Variants in CTNNA2 observed in about 807,000 individuals in gnomAD.
CTNNA2 encodes catenin alpha-2.
CTNNA2 carries 42 observed loss-of-function variants against 101.0 expected under a neutral mutation model. The ratio of observed to expected loss-of-function variants is 0.42; its 90% confidence interval spans 0.32 to 0.54. The LOEUF (loss-of-function observed/expected upper bound fraction) is 0.54. Among genes scored for constraint, CTNNA2 ranks in the 20% least tolerant of loss-of-function variants. CTNNA2 has a pLI of 0.14. For missense variants in CTNNA2, 871 were observed against 1,223.1 expected (o/e 0.71, Z 4.29); for synonymous variants, 450 against 456.4 (o/e 0.99, Z 0.18).
intron 7 of CTNNA2, among the ~76,000 whole-genome samples, chr2:79,982,830 G>A (rs186138255): frequency 1.3e-5 from 2 of 152,158 alleles, no homozygotes; most frequent in East Asian, 3.9e-4. Context: ...TGATACATAT[G>A]TAAACTTTTT....
intron 18 of CTNNA2, among the ~76,000 whole-genome samples, chr2:80,645,336 C>A (rs925905548): frequency 1.3e-5 from 2 of 152,072 alleles, no homozygotes; most frequent in African/African-American, 4.8e-5. Context: ...CATCTCTGTC[C>A]TTCATTATTT....
chr2:79,643,395 G>C (rs1680589031), intron 1 of CTNNA2, among the ~76,000 whole-genome samples: 1 of 152,056 alleles, frequency 6.6e-6, no homozygotes, highest in East Asian at 1.9e-4. Flanking sequence ...TGTCGTTCCT[G>C]AACCAGCAGC....
intron 7 of CTNNA2, among the ~76,000 whole-genome samples, chr2:80,150,359 C>T (rs1703621888): frequency 6.6e-6 from 1 of 152,096 alleles, no homozygotes; most frequent in Admixed American, 6.5e-5. Flanking sequence ...GTCTCACTGG[C>T]CCCATCTCTC....
chr2:80,464,428 T>G (rs1175704415), intron 9 of CTNNA2, among the ~76,000 whole-genome samples: 2 of 152,088 alleles, frequency 1.3e-5, no homozygotes, highest in African/African-American at 4.8e-5. Context: ...TTACTTAGAG[T>G]TCCTCCTGCC....
intron 7 of CTNNA2, among the ~76,000 whole-genome samples, chr2:80,095,688 A>AAT (rs1700101490): frequency 6.6e-6 from 1 of 152,136 alleles, no homozygotes; most frequent in Non-Finnish European, 1.5e-5. Context: ...AGAGCCTGTT[A>AAT]CTGGTCTATT....
chr2:79,320,009 G>T (rs1270551823), intron 3 of CTNNA2: 2 of 152,104 alleles, frequency 1.3e-5, no homozygotes, highest in Non-Finnish European at 2.9e-5. Flanking sequence ...ATATCCTTCA[G>T]TAAGTATTTA....
chr2:80,278,689 T>TG, intron 7 of CTNNA2, among the ~76,000 whole-genome samples: 1 of 152,120 alleles, frequency 6.6e-6, no homozygotes, highest in East Asian at 1.9e-4. Context: ...AGAGAAAGAA[T>TG]GGCGTGGCTC....
At chr2:80,290,838 G>C (rs1051713246) in intron 7 of CTNNA2, among the ~76,000 whole-genome samples, 1 of 151,842 alleles carries the variant, frequency 6.6e-6, no homozygotes, top group African/African-American at 2.4e-5. Flanking sequence ...TGGAGGGAGG[G>C]AAAGAAAAAA....
rs1573266380 is a variant in CTNNA2 at position 80,163,189 on chromosome 2, C to T, written c.1057-230022C>T. On this transcript the variant is annotated intron_variant, in intron 7 of 18. Transcript: ENST00000402739. Reference sequence around the variant, plus strand: ...CGAAAAGGAGCTCCTCGGTCACTTTCATTTCAAGGTTGCCCACAAAGAACT... The same window carrying T: ...CGAAAAGGAGCTCCTCGGTCACTTTTATTTCAAGGTTGCCCACAAAGAACT... 8 of 1,310,244 alleles carry T rather than the reference C, an allele frequency of 6.1e-6. No homozygotes were observed. The East Asian group carries it at 1.8e-4, about 30-fold the overall frequency. The allele number at this position is 1,310,244 out of a possible 1,614,324, so 81.2% of individuals were successfully genotyped here.
At chr2:80,494,454 T>G (rs1348044755) in intron 9 of CTNNA2, among the ~76,000 whole-genome samples, 1 of 152,204 alleles carries the variant, frequency 6.6e-6, no homozygotes, top group Non-Finnish European at 1.5e-5. Context: ...TAATGACTTT[T>G]TATAATAACC....
intron 7 of CTNNA2, among the ~76,000 whole-genome samples, chr2:79,990,049 A>G (rs1426173197): frequency 6.6e-6 from 1 of 152,176 alleles, no homozygotes. Context: ...TAGCTGTGGG[A>G]AGAAACAAAG....
rs146745561 is a variant in CTNNA2, at chr2:80,459,518, G to A, written c.1290+39917G>A. Among the ~76,000 whole-genome samples the A allele has an allele frequency of 3.1e-3, 467 of 152,244 alleles. 2 individuals carry two copies. The highest frequency in any genetic ancestry group is 5.3e-3 in the Non-Finnish European group (361 of 68,016). On this transcript the variant is annotated intron_variant, in intron 9 of 18. Transcript: ENST00000402739. ...CTGCTTATCTTAAGGTGATTGCACA[G>A]ATAACATGGGCCCAGGCAGAAGCCA...
chr2:79,668,157 G>A (rs1347554649), intron 2 of CTNNA2, among the ~76,000 whole-genome samples: 9 of 146,890 alleles, frequency 6.1e-5, no homozygotes, highest in East Asian at 4.3e-4. Flanking sequence ...GGAGAATGGC[G>A]TGAACCCAGG....
At chr2:79,355,365 G>C (rs1380684641) in intron 3 of CTNNA2, among the ~76,000 whole-genome samples, 1 of 152,092 alleles carries the variant, frequency 6.6e-6, no homozygotes, top group South Asian at 2.1e-4. Context: ...TGAACATAGG[G>C]TGTTTTTCCA....
At chr2:80,211,556 A>G (rs1294891632) in intron 7 of CTNNA2, among the ~76,000 whole-genome samples, 1 of 152,118 alleles carries the variant, frequency 6.6e-6, no homozygotes, top group Non-Finnish European at 1.5e-5. Flanking sequence ...TGAGGGCTCT[A>G]TTCTGTTCCA....
intron 3 of CTNNA2, among the ~76,000 whole-genome samples, chr2:79,334,260 A>G (rs1228172180): frequency 1.3e-5 from 2 of 152,206 alleles, no homozygotes; most frequent in Non-Finnish European, 2.9e-5. Flanking sequence ...ACAGGAGATT[A>G]CAAAGATAAA....
intron 4 of CTNNA2, among the ~76,000 whole-genome samples, chr2:79,428,244 A>G (rs771941675): frequency 3.3e-5 from 5 of 152,032 alleles, no homozygotes; most frequent in Admixed American, 6.6e-5. Context: ...ATCAAGGAGC[A>G]GTTTCCTTCT....
intron 7 of CTNNA2, among the ~76,000 whole-genome samples, chr2:79,996,901 G>C (rs1226631886): frequency 6.6e-6 from 1 of 152,100 alleles, no homozygotes; most frequent in Admixed American, 6.6e-5. Flanking sequence ...AACTCAGTTG[G>C]GGGAGAGTCG....
intron 2 of CTNNA2, among the ~76,000 whole-genome samples, chr2:79,271,114 G>C (rs1675071821): frequency 6.6e-6 from 1 of 152,076 alleles, no homozygotes; most frequent in Non-Finnish European, 1.5e-5. Flanking sequence ...GATGAGAAGG[G>C]AAAGAGGCTT....
Sources: gnomAD v4.1 joint callset for allele counts (sites outside exome capture counted in the v4.1 genomes callset) on GRCh38, gnomAD v4.1.1 for gene constraint, MANE v1.5 for transcripts, NCBI Gene and HGNC (gene_info 2026-07-23, HGNC 2026-07-21) for gene names.